The following SYNE1 variants were observed in gnomAD, a reference collection of about 807,000 sequenced individuals.
The protein encoded by SYNE1 is spectrin repeat containing nuclear envelope protein 1.
In SYNE1, 616 loss-of-function variants were observed where a neutral mutation model predicts 1,111.0. The ratio of observed to expected loss-of-function variants is 0.55; its 90% CI spans 0.52 to 0.59. The LOEUF is 0.59. SYNE1 is among the 20% of genes least tolerant of loss of function. The probability of loss-of-function intolerance (pLI) is 0.00; values close to 1 mark genes in which losing one functional copy is unlikely to be tolerated. For missense variants in SYNE1, 10,006 were observed against 10,417.0 expected (o/e 0.96, Z 1.72); for synonymous variants, 3,855 against 3,825.8 (o/e 1.01, Z -0.28).
intron 25 of SYNE1, 45 bp downstream of exon 25, chr6:152,453,541 C>G: frequency 6.2e-7 from 1 of 1,614,080 alleles, no homozygotes; most frequent in Non-Finnish European, 8.5e-7. Flanking sequence ...TCAAGCTTCT[C>G]CCTTCATTGA....
intron 9 of SYNE1, among the ~76,000 whole-genome samples, chr6:152,503,580 A>C (rs2099041590): frequency 6.6e-6 from 1 of 152,228 alleles, no homozygotes; most frequent in African/African-American, 2.4e-5. Flanking sequence ...CAATTTATAG[A>C]GCAGAAAGCA....
At chr6:152,567,129 C>T (rs1177485811) in intron 3 of SYNE1, among the ~76,000 whole-genome samples, 2 of 151,796 alleles carry the variant, frequency 1.3e-5, no homozygotes, top group East Asian at 3.9e-4. Context: ...TATGCATTTG[C>T]CTTTTTTTAG....
intron 34 of SYNE1, chr6:152,433,537 TA>T: frequency 2.0e-6 from 1 of 504,026 alleles, no homozygotes. Context: ...AATGTAACCA[TA>T]AAAATATTTT....
At chr6:152,135,549 G>A (rs978510892) in intron 141 of SYNE1, among the ~76,000 whole-genome samples, 7 of 152,214 alleles carry the variant, frequency 4.6e-5, no homozygotes, top group African/African-American at 1.7e-4. Context: ...TCTTCTCTGT[G>A]TAGTCAAATC....
At chr6:152,509,779 T>C (rs926778899) in intron 8 of SYNE1, among the ~76,000 whole-genome samples, 27 of 152,306 alleles carry the variant, frequency 1.8e-4, no homozygotes, top group Middle Eastern at 3.4e-3. Flanking sequence ...GTTTTTGGAA[T>C]GTGTACCTTA....
intron 122 of SYNE1, among the ~76,000 whole-genome samples, chr6:152,214,498 C>T (rs2078192780): frequency 6.6e-6 from 1 of 152,150 alleles, no homozygotes; most frequent in South Asian, 2.1e-4. Flanking sequence ...TTCCATAATT[C>T]AGGTGATGAA....
At chr6:152,636,361 GC>G (rs891862585) in intron 2 of SYNE1, among the ~76,000 whole-genome samples, 5 of 152,100 alleles carry the variant, frequency 3.3e-5, no homozygotes, top group Non-Finnish European at 7.4e-5. Context: ...CAGGAGATGT[GC>G]CACAAGCGGA....
chr6:152,404,845 C>A, intron 45 of SYNE1: 1 of 152,450 alleles, frequency 6.6e-6, no homozygotes, highest in Non-Finnish European at 1.5e-5. Context: ...TTTTTTTGCA[C>A]CAACAGTAAC....
At chr6:152,412,845 C>T (rs974027495) in intron 42 of SYNE1, among the ~76,000 whole-genome samples, 6 of 118,432 alleles carry the variant, frequency 5.1e-5, no homozygotes, top group African/African-American at 1.9e-4. Context: ...TTCAATTTCA[C>T]ATGTAATTTT....
At chr6:152,472,064 C>T (rs1012719116) in intron 15 of SYNE1, 1 of 598,368 alleles carries the variant, frequency 1.7e-6, no homozygotes, top group African/African-American at 1.9e-5. Context: ...AAAATACAGC[C>T]TCTGAAGAAA....
chr6:152,430,414 T>C, intron 35 of SYNE1, 68 bp downstream of exon 35: 1 of 1,384,934 alleles, frequency 7.2e-7, no homozygotes, highest in Middle Eastern at 1.8e-4. Context: ...TTGTAAAGTA[T>C]TTATTGCACT....
In SYNE1 at chr6:152,592,259, G is replaced by T. The variant is rs907141116; in HGVS notation, c.67+36006C>A. Among the ~76,000 whole-genome samples the T allele has an allele frequency of 7.2e-5, 11 of 152,032 alleles. No individual in the cohort carries two copies. The East Asian group carries it at 7.7e-4, about 11-fold the overall frequency. ...ATATCACTCTACCAAAAAGACACATGCACTCATAGGTTCCTTGCTGTACCA... is the reference window on the plus strand; with the variant it reads ...ATATCACTCTACCAAAAAGACACATTCACTCATAGGTTCCTTGCTGTACCA... On this transcript the variant is annotated intron_variant, in intron 3 of 145. Coordinates refer to ENST00000367255, the MANE Select transcript of SYNE1 (RefSeq NM_182961.4).
At chr6:152,548,042 A>G (rs554010422) in intron 3 of SYNE1, among the ~76,000 whole-genome samples, 2 of 152,330 alleles carry the variant, frequency 1.3e-5, no homozygotes, top group African/African-American at 4.8e-5. Context: ...GGGAAAAAAG[A>G]GAACATTTGG....
chr6:152,232,011 G>T, intron 113 of SYNE1, 105 bp downstream of exon 113: 1 of 861,496 alleles, frequency 1.2e-6, no homozygotes, highest in Non-Finnish European at 1.9e-6. Context: ...CACTGTGTAG[G>T]AAACATACAT....
chr6:152,493,492 A>G (rs1306516303), intron 11 of SYNE1, among the ~76,000 whole-genome samples: 2 of 152,136 alleles, frequency 1.3e-5, no homozygotes, highest in South Asian at 2.1e-4. Flanking sequence ...GACAGCGCCC[A>G]TTACTTCAGT....
rs140168690 is a variant in SYNE1 at position 152,278,176 on chromosome 6, G to A, written c.18486C>T (p.Ala6162=). Residue 6162 remains alanine, a synonymous_variant, in exon 98 of 146, where the codon GCC becomes GCT. Transcript: ENST00000367255. Reference sequence around the variant, plus strand: ...TTCTCAGCTTTCCAGCCAGCTGCTCGGCCTCGTCCTTGGTGTGAGCTTTGC... The same window carrying A: ...TTCTCAGCTTTCCAGCCAGCTGCTCAGCCTCGTCCTTGGTGTGAGCTTTGC... ...LEGKAHTKDE[A]EQLAGKLRRL... The A allele has an allele frequency of 2.8e-5, 45 of 1,614,136 alleles. No individual in the cohort carries two copies. The East Asian group carries it at 3.6e-4, about 13-fold the overall frequency.
chr6:152,620,688 C>T (rs2099673504), intron 3 of SYNE1, among the ~76,000 whole-genome samples: 1 of 152,160 alleles, frequency 6.6e-6, no homozygotes, highest in East Asian at 1.9e-4. Flanking sequence ...ATCCACCGTT[C>T]AACCCATCAT....
chr6:152,365,426 A>G (rs190085623), intron 62 of SYNE1, among the ~76,000 whole-genome samples: 118 of 152,300 alleles, frequency 7.7e-4, no homozygotes, highest in Middle Eastern at 6.8e-3. Context: ...GTTCTTCATA[A>G]GTACTATTCT....
chr6:152,146,317 T>C (rs2152859043), intron 137 of SYNE1: 1 of 152,324 alleles, frequency 6.6e-6, no homozygotes. Flanking sequence ...CATAGCCACA[T>C]TAGAAATGTA....
Sources: gnomAD v4.1 joint callset for allele counts (sites outside exome capture counted in the v4.1 genomes callset) on GRCh38, gnomAD v4.1.1 for gene constraint, MANE v1.5 for transcripts, NCBI Gene and HGNC (gene_info 2026-07-23, HGNC 2026-07-21) for gene names.